The following MLLT10 variants were observed in gnomAD, a reference collection of about 807,000 sequenced individuals.
MLLT10 encodes the protein protein AF-10.
In MLLT10, 30 loss-of-function variants were observed where a neutral mutation model predicts 129.1. The ratio of observed to expected loss-of-function variants is 0.23; its 90% CI spans 0.17 to 0.32. The LOEUF (loss-of-function observed/expected upper bound fraction) is 0.32, where lower values mean the gene tolerates loss of function less well. MLLT10 is among the 10% of genes least tolerant of loss of function. The probability of loss-of-function intolerance (pLI) is 1.00; values close to 1 mark genes in which losing one functional copy is unlikely to be tolerated. For synonymous variants in MLLT10, 490 were observed against 446.4 expected, an observed-to-expected ratio of 1.10 and a Z score of -1.23; for missense variants, 1,119 against 1,268.3, an observed-to-expected ratio of 0.88 and a Z score of 1.79.
chr10:21,722,423 C>T (rs1308520442), intron 14 of MLLT10, among the ~76,000 whole-genome samples: 1 of 152,092 alleles, frequency 6.6e-6, no homozygotes, highest in Non-Finnish European at 1.5e-5. Flanking sequence ...TTTCAAAATC[C>T]GTTTCCAAAG....
intron 9 of MLLT10, among the ~76,000 whole-genome samples, chr10:21,665,375 G>A (rs565734867): frequency 1.4e-5 from 2 of 147,242 alleles, no homozygotes; most frequent in Non-Finnish European, 3.0e-5. Context: ...CGCAACCTCC[G>A]CCTCCTGGTT....
intron 3 of MLLT10, among the ~76,000 whole-genome samples, chr10:21,557,388 C>T (rs113966224): frequency 6.6e-6 from 1 of 152,168 alleles, no homozygotes; most frequent in Non-Finnish European, 1.5e-5. Flanking sequence ...AAAATTATCT[C>T]CCTTGCGTAT....
At chr10:21,536,650 T>G (rs1289136887) in intron 2 of MLLT10, among the ~76,000 whole-genome samples, 1 of 152,210 alleles carries the variant, frequency 6.6e-6, no homozygotes, top group Admixed American at 6.5e-5. Flanking sequence ...TACAGCTCAC[T>G]GCAGCCTTGA....
chr10:21,662,861 AG>A (rs1452338669), intron 9 of MLLT10, among the ~76,000 whole-genome samples: 1 of 152,170 alleles, frequency 6.6e-6, no homozygotes, highest in East Asian at 1.9e-4. Flanking sequence ...ATTAGGTTTC[AG>A]TCTTTAGGTG....
chr10:21,676,212 G>T (rs1323589272), intron 11 of MLLT10, among the ~76,000 whole-genome samples: 2 of 151,062 alleles, frequency 1.3e-5, no homozygotes, highest in African/African-American at 4.9e-5. Context: ...GGTGGATCAC[G>T]AGGTCAGGAG....
At position 21,733,809 on chromosome 10, in the gene MLLT10, T is replaced by C; in HGVS notation, c.2538T>C (p.Ala846=). 2 of 1,614,070 alleles carry C rather than the reference T, an allele frequency of 1.2e-6. No homozygotes were observed. Among genetic ancestry groups the C allele is most frequent in the Non-Finnish European group, 1.7e-6 (2 of 1,180,008 alleles). The part of the protein sequence containing the change: ...SSGQSTSSSS[A]LSTPPPAGQS... The stretch of plus-strand genomic sequence containing the variant: ...GACAAAGTACCAGCAGCTCATCAGC[T>C]CTTTCTACCCCACCTCCTGCTGGGC... Residue 846 remains alanine, a synonymous_variant, in exon 20 of 23, where the codon GCT becomes GCC. Transcript: ENST00000307729.
At chr10:21,708,707 A>G in intron 13 of MLLT10, 1 of 985,330 alleles carries the variant, frequency 1.0e-6, no homozygotes, top group South Asian at 4.7e-5. Context: ...TTGAGATTGA[A>G]GGTCCTTAAT....
At chr10:21,554,304 T>G (rs1005474402) in intron 3 of MLLT10, among the ~76,000 whole-genome samples, 2 of 152,242 alleles carry the variant, frequency 1.3e-5, no homozygotes, top group Admixed American at 6.5e-5. Flanking sequence ...TTCCTCACTT[T>G]CTCTTCCAAC....
chr10:21,651,174 C>T (rs985909466), intron 8 of MLLT10, among the ~76,000 whole-genome samples: 2 of 152,052 alleles, frequency 1.3e-5, no homozygotes, highest in Admixed American at 6.6e-5. Context: ...TGGGTTCAAG[C>T]GATTCTCCTG....
In MLLT10 at chr10:21,671,752, T is replaced by C. The variant is rs554860633; in HGVS notation, c.1051+1048T>C. On this transcript the variant is annotated intron_variant, in intron 10 of 22. Transcript: ENST00000307729. ...GTGAGCTGAGATTGCACTACTGCACTTCAGCCTGGGTGACAGAGTGAGACC... is the reference window on the plus strand; with the variant it reads ...GTGAGCTGAGATTGCACTACTGCACCTCAGCCTGGGTGACAGAGTGAGACC... 5.9e-5 allele frequency among the ~76,000 whole-genome samples: 9 copies of C among 152,274 alleles called. 1 individual carries two copies. The highest frequency in any genetic ancestry group is 2.2e-4 in the African/African-American group (9 of 41,560).
At chr10:21,631,930 TG>T (rs1275180367) in intron 8 of MLLT10, among the ~76,000 whole-genome samples, 126 of 113,412 alleles carry the variant, frequency 1.1e-3, no homozygotes, top group African/African-American at 6.0e-3. Context: ...GTTTTTTTTT[TG>T]GTTTTTTTTT....
intron 8 of MLLT10, among the ~76,000 whole-genome samples, chr10:21,633,865 C>T (rs2047219269): frequency 1.3e-5 from 2 of 152,154 alleles, no homozygotes; most frequent in African/African-American, 2.4e-5. Context: ...CATAACCAAG[C>T]ATCTCGTTGT....
chr10:21,714,343 G>T (rs1041916557), intron 14 of MLLT10, among the ~76,000 whole-genome samples: 1 of 66,726 alleles, frequency 1.5e-5, no homozygotes, highest in African/African-American at 9.9e-5. Flanking sequence ...TCTTTTTAAA[G>T]TTTTAAAAAA....
At chr10:21,698,940 T>C (rs931613886) in intron 13 of MLLT10, among the ~76,000 whole-genome samples, 3 of 152,224 alleles carry the variant, frequency 2.0e-5, no homozygotes, top group Non-Finnish European at 2.9e-5. Context: ...AGTGGCACAA[T>C]CTTGGCTCAC....
At chr10:21,741,130 G>A (rs1305546364) in intron 22 of MLLT10, among the ~76,000 whole-genome samples, 1 of 152,190 alleles carries the variant, frequency 6.6e-6, no homozygotes, top group Non-Finnish European at 1.5e-5. Context: ...ATAGAGGATT[G>A]TTTTTCATGA....
intron 11 of MLLT10, among the ~76,000 whole-genome samples, chr10:21,675,353 G>T (rs1458517116): frequency 2.0e-5 from 3 of 152,116 alleles, no homozygotes; most frequent in Non-Finnish European, 4.4e-5. Context: ...CCCAGTCCCT[G>T]CCCCCTACAG....
intron 3 of MLLT10, among the ~76,000 whole-genome samples, chr10:21,560,903 CT>C (rs1230911493): frequency 6.6e-6 from 1 of 152,086 alleles, no homozygotes; most frequent in Non-Finnish European, 1.5e-5. Context: ...TGTTCAGGTC[CT>C]TTGCTCTTTT....
chr10:21,705,573 C>G (rs2055410152), intron 13 of MLLT10, among the ~76,000 whole-genome samples: 1 of 152,162 alleles, frequency 6.6e-6, no homozygotes, highest in African/African-American at 2.4e-5. Context: ...TTAGTGGAGG[C>G]AAGTGTAGGC....
intron 2 of MLLT10, 84 bp from the exon 3 acceptor site, chr10:21,538,749 G>A (rs2130892131): frequency 1.1e-6 from 1 of 936,640 alleles, no homozygotes; most frequent in East Asian, 2.5e-5. Flanking sequence ...AGTGACAGGT[G>A]GATTAATAGG....
Sources: gnomAD v4.1 joint callset for allele counts (sites outside exome capture counted in the v4.1 genomes callset) on GRCh38, gnomAD v4.1.1 for gene constraint, MANE v1.5 for transcripts, NCBI Gene and HGNC (gene_info 2026-07-23, HGNC 2026-07-21) for gene names.